SLC9A9: variants seen among roughly 807,000 people sequenced by gnomAD.
The protein encoded by SLC9A9 is sodium/hydrogen exchanger 9.
SLC9A9 carries 62 observed loss-of-function variants against 77.8 expected under a neutral mutation model. The ratio of observed to expected loss-of-function variants is 0.80; its 90% confidence interval spans 0.65 to 0.98. SLC9A9 has a LOEUF of 0.98. SLC9A9 is among the 50% of genes least tolerant of loss of function. The probability of loss-of-function intolerance (pLI) is 0.00; values close to 1 mark genes in which losing one functional copy is unlikely to be tolerated. For synonymous variants in SLC9A9, 320 were observed against 283.5 expected (o/e 1.13, Z -1.29); for missense variants, 775 against 774.9 (o/e 1.00, Z 0.00).
intron 6 of SLC9A9, among the ~76,000 whole-genome samples, chr3:143,612,435 G>A (rs1368253505): frequency 1.3e-5 from 2 of 152,142 alleles, no homozygotes; most frequent in Non-Finnish European, 2.9e-5. Context: ...AAGAGCTGGT[G>A]TGACTTGAGC....
intron 4 of SLC9A9, among the ~76,000 whole-genome samples, chr3:143,730,953 T>C (rs947985422): frequency 6.6e-5 from 10 of 152,238 alleles, no homozygotes; most frequent in African/African-American, 2.4e-4. Context: ...TTTTCTGCTC[T>C]GCTTTTTTCA....
chr3:143,434,516 T>G (rs1233579138), intron 12 of SLC9A9, among the ~76,000 whole-genome samples: 1 of 152,138 alleles, frequency 6.6e-6, no homozygotes, highest in African/African-American at 2.4e-5. Flanking sequence ...CGATTGCAAC[T>G]TCTAACCACC....
chr3:143,623,622 G>C (rs1193456112), intron 6 of SLC9A9, among the ~76,000 whole-genome samples: 1 of 152,100 alleles, frequency 6.6e-6, no homozygotes, highest in Non-Finnish European at 1.5e-5. Context: ...GCAGTGTGTA[G>C]AGGGAAATTT....
chr3:143,517,498 C>T (rs2036222563), intron 9 of SLC9A9: 1 of 1,597,814 alleles, frequency 6.3e-7, no homozygotes, highest in Non-Finnish European at 8.5e-7. Context: ...TGATCTCTCG[C>T]TCTTCACGTT....
At chr3:143,614,860 T>C (rs1206223292) in intron 6 of SLC9A9, among the ~76,000 whole-genome samples, 2 of 152,216 alleles carry the variant, frequency 1.3e-5, no homozygotes, top group African/African-American at 4.8e-5. Flanking sequence ...AAGAAAAGGT[T>C]ATGAAAGCTT....
At chr3:143,276,718 G>T (rs1201681104) in intron 14 of SLC9A9, among the ~76,000 whole-genome samples, 1 of 151,952 alleles carries the variant, frequency 6.6e-6, no homozygotes, top group East Asian at 1.9e-4. Context: ...ACTCCTATAT[G>T]AGTCAGATGA....
chr3:143,373,847 A>G (rs1322409363), intron 13 of SLC9A9, among the ~76,000 whole-genome samples: 10 of 152,270 alleles, frequency 6.6e-5, no homozygotes, highest in Admixed American at 5.2e-4. Context: ...CCTAATGTAT[A>G]TAAGATTGGA....
intron 14 of SLC9A9, among the ~76,000 whole-genome samples, chr3:143,344,918 G>A (rs745499658): frequency 1.9e-4 from 29 of 152,048 alleles, no homozygotes; most frequent in South Asian, 4.1e-4. Context: ...ATAAACAATC[G>A]TAAGATTCTG....
chr3:143,845,811 A>T (rs1383933633), intron 1 of SLC9A9, among the ~76,000 whole-genome samples: 1 of 152,256 alleles, frequency 6.6e-6, no homozygotes, highest in East Asian at 1.9e-4. Context: ...CTAGTAAGAG[A>T]ATACATATAT....
chr3:143,726,890 A>G (rs955893071), intron 4 of SLC9A9, among the ~76,000 whole-genome samples: 4 of 152,210 alleles, frequency 2.6e-5, no homozygotes, highest in Non-Finnish European at 4.4e-5. Context: ...GCAGCAGCAT[A>G]AAGTTTAAAG....
At chr3:143,417,247 C>G (rs1250458262) in intron 12 of SLC9A9, among the ~76,000 whole-genome samples, 1 of 152,090 alleles carries the variant, frequency 6.6e-6, no homozygotes, top group Non-Finnish European at 1.5e-5. Flanking sequence ...TGCTTCACTG[C>G]TCTCAGGACA....
At chr3:143,845,192 A>G (rs2009806766) in intron 1 of SLC9A9, among the ~76,000 whole-genome samples, 1 of 152,098 alleles carries the variant, frequency 6.6e-6, no homozygotes, top group African/African-American at 2.4e-5. Flanking sequence ...TAATTACACG[A>G]CTTTTATCTC....
At chr3:143,684,904 G>A (rs138216953) in intron 5 of SLC9A9, among the ~76,000 whole-genome samples, 2 of 151,906 alleles carry the variant, frequency 1.3e-5, no homozygotes, top group African/African-American at 4.8e-5. Flanking sequence ...AAAATAAATC[G>A]CCTATATTTT....
intron 11 of SLC9A9, among the ~76,000 whole-genome samples, chr3:143,480,261 C>G (rs1273603310): frequency 6.6e-6 from 1 of 152,296 alleles, no homozygotes; most frequent in East Asian, 1.9e-4. Context: ...TATTCTGGAG[C>G]AAAGTGAAGA....
At chr3:143,625,463 T>C (rs1400347820) in intron 6 of SLC9A9, among the ~76,000 whole-genome samples, 5 of 152,128 alleles carry the variant, frequency 3.3e-5, no homozygotes, top group East Asian at 1.9e-4. Flanking sequence ...TAATGCCACA[T>C]ATCTATAACC....
At chr3:143,695,361 G>C (rs1303314353) in intron 4 of SLC9A9, among the ~76,000 whole-genome samples, 2 of 152,078 alleles carry the variant, frequency 1.3e-5, no homozygotes, top group Admixed American at 1.3e-4. Context: ...ACAGGCCCCA[G>C]TGTGTAATGT....
At chr3:143,715,394 A>G (rs78685267) in intron 4 of SLC9A9, among the ~76,000 whole-genome samples, 5,217 of 152,090 alleles carry the variant, frequency 0.034, 289 homozygotes, top group African/African-American at 0.12. Context: ...TACTTCTTAC[A>G]TTTTTTGCCT....
chr3:143,456,918 T>G (rs942361772), intron 12 of SLC9A9, among the ~76,000 whole-genome samples: 6 of 152,342 alleles, frequency 3.9e-5, no homozygotes, highest in Middle Eastern at 3.4e-3. Flanking sequence ...TCTTCTTGAA[T>G]GGGTTTTGGT....
chr3:143,651,268 C>T (rs1020838946), intron 6 of SLC9A9, among the ~76,000 whole-genome samples: 1 of 152,138 alleles, frequency 6.6e-6, no homozygotes, highest in South Asian at 2.1e-4. Context: ...AGACACTTCT[C>T]TGTGGCCAGG....
Sources: allele counts gnomAD v4.1 joint callset (sites outside exome capture counted in the v4.1 genomes callset), GRCh38; gene constraint gnomAD v4.1.1; transcripts MANE v1.5; gene names NCBI Gene and HGNC (gene_info 2026-07-23, HGNC 2026-07-21).